MRC1: variants seen among roughly 807,000 people sequenced by gnomAD.
The protein encoded by MRC1 is macrophage mannose receptor 1.
In MRC1, 62 loss-of-function variants were observed where a neutral mutation model predicts 102.9. The observed-to-expected ratio is 0.60, with a 90% CI of 0.49 to 0.74. The LOEUF is 0.74. Ranked by LOEUF, MRC1 falls within the 30% of genes least tolerant of loss-of-function variation. The pLI, the probability that MRC1 is intolerant of heterozygous loss-of-function variation, is 0.00. For missense variants in MRC1, 1,237 were observed against 862.8 expected, an observed-to-expected ratio of 1.43 and a Z score of -5.43; for synonymous variants, 457 against 298.4, an observed-to-expected ratio of 1.53 and a Z score of -5.48.
chr10:17,890,899 C>G (rs1407613956), intron 22 of MRC1, among the ~76,000 whole-genome samples: 1 of 152,072 alleles, frequency 6.6e-6, no homozygotes, highest in Non-Finnish European at 1.5e-5. Flanking sequence ...ACTCGCATCA[C>G]TGCCTGAGCT....
intron 5 of MRC1, among the ~76,000 whole-genome samples, chr10:17,841,504 A>G (rs1838748923): frequency 6.6e-6 from 1 of 152,256 alleles, no homozygotes. Flanking sequence ...AACCTACAAC[A>G]GCTTTCTAAT....
At chr10:17,864,656 C>T (rs1000023384) in intron 11 of MRC1, among the ~76,000 whole-genome samples, 31 of 151,912 alleles carry the variant, frequency 2.0e-4, no homozygotes, top group African/African-American at 7.2e-4. Context: ...TAGGGAAACC[C>T]CATCTCTACT....
At chr10:17,829,083 A>G (rs2130603805) in intron 3 of MRC1, among the ~76,000 whole-genome samples, 1 of 151,256 alleles carries the variant, frequency 6.6e-6, no homozygotes, top group South Asian at 2.1e-4. Flanking sequence ...ATCACCCAGA[A>G]CTCTTTCTCC....
At chr10:17,888,592 G>A (rs1833632539) in intron 22 of MRC1, among the ~76,000 whole-genome samples, 1 of 152,070 alleles carries the variant, frequency 6.6e-6, no homozygotes, top group African/African-American at 2.4e-5. Context: ...AACTGTTACT[G>A]ATTTCTAGTT....
At chr10:17,828,023 G>C (rs1554838790) in intron 3 of MRC1, among the ~76,000 whole-genome samples, 1 of 152,150 alleles carries the variant, frequency 6.6e-6, no homozygotes, top group Non-Finnish European at 1.5e-5. Context: ...ATGCTAAGAG[G>C]ACTAGACTGT....
At chr10:17,879,615 G>A (rs1440530756) in intron 18 of MRC1, 106 bp from the exon 19 acceptor site, 27 of 779,046 alleles carry the variant, frequency 3.5e-5, no homozygotes, top group Non-Finnish European at 2.2e-5. Flanking sequence ...CACTCGCCTC[G>A]GCCTCCCATG....
At chr10:17,847,922 T>C (rs982741102) in intron 6 of MRC1, among the ~76,000 whole-genome samples, 17,745 of 75,154 alleles carry the variant, frequency 0.24, 1,087 homozygotes, top group East Asian at 0.46. Context: ...TTTTTCTTTT[T>C]CTTCTTTTTT....
Position 17,900,747 on chromosome 10 carries a change from G to A in MRC1, c.3484-41G>A, listed in dbSNP as rs897335265. On this transcript the variant is annotated intron_variant, in intron 24 of 29. Coordinates refer to ENST00000569591, the MANE Select transcript of MRC1 (RefSeq NM_002438.4). The stretch of plus-strand genomic sequence containing the variant: ...TTGGTTCTTTTAGTATTTTCTAAAT[G>A]AAGCAAGGCTGCATGTTAATGCTTG... 35 of 780,530 alleles carry A rather than the reference G, an allele frequency of 4.5e-5. No individual in the cohort carries two copies. In the African/African-American group the frequency reaches 5.4e-4, roughly 12 times the overall value. The allele number at this position is 780,530 out of a possible 1,614,324, so 48.4% of individuals were successfully genotyped here. A position where few individuals can be genotyped will look rare whatever the true frequency, so the allele number is the denominator to read the frequency against.
intron 15 of MRC1, among the ~76,000 whole-genome samples, chr10:17,873,523 C>T (rs942935262): frequency 8.6e-5 from 13 of 151,544 alleles, no homozygotes; most frequent in African/African-American, 3.2e-4. Flanking sequence ...TATAATGCTA[C>T]TTGTGCCTGA....
rs1218643217 is a variant in MRC1, at chr10:17,906,866, T to C, written c.3800-20T>C. 2 of 780,770 alleles carry C rather than the reference T, an allele frequency of 2.6e-6. No homozygotes were observed. Among genetic ancestry groups the C allele is most frequent in the Admixed American group, 3.4e-5 (2 of 59,036 alleles). 48.4% of individuals were successfully genotyped at this position (780,770 alleles called of 1,614,324 possible). The stretch of plus-strand genomic sequence containing the variant: ...TACTTAAATGTGCAGCTATCATATT[T>C]ATCCTTTTACGCTTTCTAGGTTCCT... On this transcript the variant is annotated intron_variant, in intron 26 of 29. Transcript: ENST00000569591.
At chr10:17,863,969 C>T (rs1689415380) in intron 11 of MRC1, among the ~76,000 whole-genome samples, 1 of 152,018 alleles carries the variant, frequency 6.6e-6, no homozygotes, top group Admixed American at 6.6e-5. Flanking sequence ...ATGAAATTCT[C>T]AGTGGTCGCA....
intron 5 of MRC1, among the ~76,000 whole-genome samples, chr10:17,843,559 G>A (rs1838781100): frequency 6.6e-6 from 1 of 152,094 alleles, no homozygotes; most frequent in Non-Finnish European, 1.5e-5. Context: ...CAGCTACTCA[G>A]GAGGCTGAGG....
In MRC1 at chr10:17,856,231, G is replaced by A. The variant is rs1833090406; in HGVS notation, c.1408-11G>A. On this transcript the variant is annotated splice_polypyrimidine_tract_variant and intron_variant, in intron 8 of 29. Transcript: ENST00000569591. ...ATCCTTTATTTTTTTCTCTCTCTCTGCTCCCTGCAGGATGGGTACTGGGCA... is the reference window on the plus strand; with the variant it reads ...ATCCTTTATTTTTTTCTCTCTCTCTACTCCCTGCAGGATGGGTACTGGGCA... The A allele has an allele frequency of 1.2e-6, 1 of 846,788 alleles. No homozygotes were observed. The allele number at this position is 846,788 out of a possible 1,614,324, so 52.5% of individuals were successfully genotyped here.
chr10:17,899,811 T>C (rs917831689), intron 24 of MRC1, among the ~76,000 whole-genome samples: 1 of 152,070 alleles, frequency 6.6e-6, no homozygotes, highest in Non-Finnish European at 1.5e-5. Context: ...AGAAATTAAC[T>C]GTGCAGGCCA....
intron 23 of MRC1, among the ~76,000 whole-genome samples, chr10:17,895,283 G>GT (rs1331299308): frequency 1.3e-5 from 2 of 151,168 alleles, no homozygotes; most frequent in African/African-American, 4.9e-5. Context: ...ATAGCAACAG[G>GT]TTTGATTGTT....
At chr10:17,863,392 T>C in intron 10 of MRC1, 142 bp from the exon 11 acceptor site, 1 of 678,424 alleles carries the variant, frequency 1.5e-6, no homozygotes, top group South Asian at 1.7e-5. Flanking sequence ...GTAGATGACA[T>C]ACAAATATAA....
intron 2 of MRC1, 51 bp downstream of exon 2, chr10:17,823,526 A>G (rs1838428883): frequency 3.9e-6 from 3 of 778,492 alleles, no homozygotes; most frequent in Non-Finnish European, 4.8e-6. Context: ...TCGTCTTCTT[A>G]GTTGGAACCT....
rs781796655 is a variant in MRC1, at chr10:17,837,710, C to T, written c.803-2983C>T. 0.013 allele frequency among the ~76,000 whole-genome samples: 1,949 copies of T among 151,950 alleles called. 96 individuals are homozygous for T. In the East Asian group the frequency reaches 0.15, roughly 12 times the overall value. ...GTGGCACTAGGACTTAAGTGATTCT[C>T]GTGCCTCAGCCTCCTGAGTAGCTGG... On this transcript the variant is annotated intron_variant, in intron 4 of 29. Transcript: ENST00000569591.
intron 3 of MRC1, among the ~76,000 whole-genome samples, chr10:17,830,383 C>T (rs935897690): frequency 0.032 from 4,776 of 151,412 alleles, 117 homozygotes; most frequent in East Asian, 0.041. Context: ...CCACCCACCT[C>T]GGCCTCCCAA....
Sources: allele counts gnomAD v4.1 joint callset (sites outside exome capture counted in the v4.1 genomes callset), GRCh38; gene constraint gnomAD v4.1.1; transcripts MANE v1.5; gene names NCBI Gene and HGNC (gene_info 2026-07-23, HGNC 2026-07-21).